Variants in CPED1 observed in about 807,000 individuals in gnomAD.
The protein encoded by CPED1 is cadherin like and PC-esterase domain containing 1, also known as cadherin-like and PC-esterase domain-containing protein 1.
CPED1 carries 114 observed loss-of-function variants against 128.2 expected under a neutral mutation model. The ratio of observed to expected loss-of-function variants is 0.89; its 90% CI spans 0.76 to 1.04. The LOEUF (loss-of-function observed/expected upper bound fraction) is 1.04, where lower values mean the gene tolerates loss of function less well. Among genes scored for constraint, CPED1 ranks in the 50% least tolerant of loss-of-function variants. The probability of loss-of-function intolerance (pLI) is 0.00; values close to 1 mark genes in which losing one functional copy is unlikely to be tolerated. For synonymous variants in CPED1, 462 were observed against 426.7 expected, an observed-to-expected ratio of 1.08 and a Z score of -1.02; for missense variants, 1,211 against 1,207.1, an observed-to-expected ratio of 1.00 and a Z score of -0.05.
intron 4 of CPED1, among the ~76,000 whole-genome samples, chr7:121,056,743 G>T (rs1793509050): frequency 6.6e-6 from 1 of 151,710 alleles, no homozygotes; most frequent in Non-Finnish European, 1.5e-5. Context: ...AAACCTCTTG[G>T]TTTGCTCTCT....
intron 8 of CPED1, 125 bp downstream of exon 8, chr7:121,124,598 A>G (rs897834795): frequency 2.0e-5 from 12 of 614,140 alleles, no homozygotes; most frequent in African/African-American, 1.1e-4. Flanking sequence ...TTTTATGTCA[A>G]TATACAAACA....
intron 18 of CPED1, among the ~76,000 whole-genome samples, chr7:121,251,925 G>C (rs887682563): frequency 1.3e-5 from 2 of 151,740 alleles, no homozygotes; most frequent in Admixed American, 1.3e-4. Context: ...TCCCCATCAA[G>C]CTACCAATGA....
At chr7:121,117,394 C>A (rs895316482) in intron 7 of CPED1, among the ~76,000 whole-genome samples, 6 of 151,976 alleles carry the variant, frequency 3.9e-5, no homozygotes, top group South Asian at 4.2e-4. Context: ...AGCCACCACA[C>A]CTGGCCAAAT....
chr7:121,103,968 A>G (rs143270865), intron 7 of CPED1, among the ~76,000 whole-genome samples: 64 of 152,260 alleles, frequency 4.2e-4, no homozygotes, highest in African/African-American at 1.3e-3. Flanking sequence ...ATAATGGAAA[A>G]TAGAAGCTTT....
At chr7:121,180,986 G>A (rs893051867) in intron 16 of CPED1, among the ~76,000 whole-genome samples, 1 of 151,926 alleles carries the variant, frequency 6.6e-6, no homozygotes, top group African/African-American at 2.4e-5. Flanking sequence ...ATCTCTAAAT[G>A]GACTTGAGGC....
intron 8 of CPED1, among the ~76,000 whole-genome samples, chr7:121,125,107 T>C (rs1795474101): frequency 1.3e-5 from 2 of 152,154 alleles, no homozygotes; most frequent in South Asian, 4.1e-4. Flanking sequence ...TAATGTGTTA[T>C]GAATATTTAG....
intron 17 of CPED1, among the ~76,000 whole-genome samples, chr7:121,241,014 G>GAATT (rs1459437272): frequency 6.6e-6 from 1 of 152,072 alleles, no homozygotes; most frequent in African/African-American, 2.4e-5. Context: ...AACAGAATTA[G>GAATT]AATTAGAAAG....
chr7:121,061,190 T>C (rs1485052796), intron 4 of CPED1: 1 of 944,778 alleles, frequency 1.1e-6, no homozygotes, highest in Middle Eastern at 5.4e-4. Flanking sequence ...TCCAGACACA[T>C]TAGGATTGTG....
At chr7:121,144,405 A>G (rs1406390216) in intron 16 of CPED1, among the ~76,000 whole-genome samples, 2 of 152,056 alleles carry the variant, frequency 1.3e-5, no homozygotes, top group Admixed American at 1.3e-4. Flanking sequence ...GAACTGGAAG[A>G]TATTAAGTGA....
At chr7:121,085,085 C>G (rs760208736) in intron 5 of CPED1, among the ~76,000 whole-genome samples, 1 of 152,210 alleles carries the variant, frequency 6.6e-6, no homozygotes, top group Middle Eastern at 3.2e-3. Context: ...TCACCGTTTA[C>G]TCCACTTCTG....
At chr7:121,007,931 C>T (rs1792066320) in intron 2 of CPED1, among the ~76,000 whole-genome samples, 1 of 151,994 alleles carries the variant, frequency 6.6e-6, no homozygotes, top group Non-Finnish European at 1.5e-5. Context: ...TCTCAGGCAT[C>T]CCTCTTATGG....
chr7:121,169,485 C>A (rs2116462323), intron 16 of CPED1, among the ~76,000 whole-genome samples: 1 of 151,976 alleles, frequency 6.6e-6, no homozygotes, highest in Non-Finnish European at 1.5e-5. Context: ...TTTTTTGTTT[C>A]CATTAAGTTC....
rs1302758892 is a variant in CPED1 at position 121,111,259 on chromosome 7, T to C, written c.918+11165T>C. ...TCCTGGACAATTTGGTGATTCTTTTTCCATTCACTTCCTCTCTCTGCCTTT... is the reference window on the plus strand; with the variant it reads ...TCCTGGACAATTTGGTGATTCTTTTCCCATTCACTTCCTCTCTCTGCCTTT... On this transcript the variant is annotated intron_variant, in intron 7 of 22. Coordinates refer to ENST00000310396, the MANE Select transcript of CPED1 (RefSeq NM_024913.5). Among the ~76,000 whole-genome samples, 13 of 152,196 alleles carry C rather than the reference T, an allele frequency of 8.5e-5. No homozygotes were observed. The East Asian group carries it at 1.2e-3, about 14-fold the overall frequency.
intron 18 of CPED1, among the ~76,000 whole-genome samples, chr7:121,254,199 T>C (rs891313842): frequency 1.3e-5 from 2 of 151,976 alleles, no homozygotes; most frequent in African/African-American, 4.8e-5. Flanking sequence ...AATTAAATCA[T>C]ACAAAGCACA....
intron 2 of CPED1, among the ~76,000 whole-genome samples, chr7:121,002,801 T>C (rs1585011159): frequency 6.6e-6 from 1 of 152,230 alleles, no homozygotes; most frequent in Non-Finnish European, 1.5e-5. Flanking sequence ...AATTGTCTCC[T>C]ATTTTTCTTG....
intron 5 of CPED1, among the ~76,000 whole-genome samples, chr7:121,069,808 C>A (rs1793943253): frequency 6.6e-6 from 1 of 152,072 alleles, no homozygotes; most frequent in African/African-American, 2.4e-5. Flanking sequence ...AAGTATAAAA[C>A]AAAACATAAG....
intron 16 of CPED1, among the ~76,000 whole-genome samples, chr7:121,206,405 GTTTTC>G (rs1180330226): frequency 2.6e-4 from 39 of 151,716 alleles, no homozygotes; most frequent in African/African-American, 9.2e-4. Flanking sequence ...TTAGAATATA[GTTTTC>G]TTTACTAAAA....
At position 121,097,171 on chromosome 7, in the gene CPED1, G is replaced by A. The variant is rs191056184; in HGVS notation, c.617-528G>A. Reference sequence around the variant, plus strand: ...TGTTCTTAAGTAAACCATTATTATTGTTCTTTATTTTTATATACCTTAAAA... The same window carrying A: ...TGTTCTTAAGTAAACCATTATTATTATTCTTTATTTTTATATACCTTAAAA... On this transcript the variant is annotated intron_variant, in intron 5 of 22. Transcript: ENST00000310396. Among the ~76,000 whole-genome samples the A allele has an allele frequency of 1.8e-4, 28 of 151,922 alleles. No homozygotes were observed. The South Asian group carries it at 4.8e-3, about 26-fold the overall frequency.
At chr7:121,288,561 C>T (rs77133027) in intron 22 of CPED1, among the ~76,000 whole-genome samples, 5,098 of 152,274 alleles carry the variant, frequency 0.033, 187 homozygotes, top group South Asian at 0.13. Flanking sequence ...CCGTACGCTT[C>T]AGCAGTTACA....
Sources: gnomAD v4.1 joint callset for allele counts (sites outside exome capture counted in the v4.1 genomes callset) on GRCh38, gnomAD v4.1.1 for gene constraint, MANE v1.5 for transcripts, NCBI Gene and HGNC (gene_info 2026-07-23, HGNC 2026-07-21) for gene names.